Variants in EQTN observed in about 807,000 individuals in gnomAD.
EQTN encodes equatorin, also known as Acrosome formation associated factor.
EQTN carries 29 observed loss-of-function variants against 26.9 expected under a neutral mutation model. The observed-to-expected ratio is 1.08, with a 90% CI of 0.80 to 1.47. The LOEUF (loss-of-function observed/expected upper bound fraction) is 1.47, where lower values mean the gene tolerates loss of function less well. Among genes scored for constraint, EQTN ranks in the 40% most tolerant of loss-of-function variants. The pLI is 0.00. For synonymous variants in EQTN, 129 were observed against 120.0 expected (o/e 1.07, Z -0.49); for missense variants, 391 against 346.1 (o/e 1.13, Z -1.03).
rs762361938 is a variant in EQTN at position 27,286,284 on chromosome 9, G to A, written c.560C>T (p.Ser187Leu). The A allele has an allele frequency of 9.9e-6, 16 of 1,612,566 alleles. No homozygotes were observed. The highest frequency in any genetic ancestry group is 6.8e-6 in the Non-Finnish European group (8 of 1,179,424). ...CACAAAGAGGAGGAGGGTCATCAAC[G>A]AGATTCCCAGCATTATTTTGATCTT... Reference protein sequence around the residue: ...DLKIKIMLGISLMTLLLFVVL... With the variant: ...DLKIKIMLGILLMTLLLFVVL... Residue 187 changes from serine to leucine, a missense_variant, in exon 7 of 8, where the codon TCG (serine) becomes TTG (leucine). Ser to Leu is a moderately radical substitution (Grantham distance 145). Transcript: ENST00000380032.
Position 27,284,822 on chromosome 9 carries a change from T to C in EQTN, c.786A>G (p.Arg262=). ...FLGTTSSDMR[R]SGTRTSESKI... is the part of the protein sequence containing the mutation. ...TAGATTCTGATGTTCTTGTGCCTGATCTTCTCATATCTGAAGAAGTGGTAC... is the reference window on the plus strand; with the variant it reads ...TAGATTCTGATGTTCTTGTGCCTGACCTTCTCATATCTGAAGAAGTGGTAC... The change falls in exon 8 of 8, where the codon AGA becomes AGG. Residue 262 remains arginine, a synonymous_variant. Transcript: ENST00000380032. The C allele has an allele frequency of 6.2e-7, 1 of 1,614,180 alleles. No homozygotes were observed. The highest frequency in any genetic ancestry group is 1.3e-5 in the African/African-American group (1 of 75,052).
chr9:27,293,529 A>G (rs1425794559), intron 3 of EQTN, among the ~76,000 whole-genome samples: 1 of 152,166 alleles, frequency 6.6e-6, no homozygotes, highest in East Asian at 1.9e-4. Context: ...TCTTATTCCA[A>G]TCCCACTTTC....
chr9:27,296,887 C>T (rs2131311712), intron 1 of EQTN, 93 bp downstream of exon 1: 1 of 1,562,850 alleles, frequency 6.4e-7, no homozygotes, highest in South Asian at 1.2e-5. Context: ...AGTTTATATC[C>T]TCCTGTAGAA....
At chr9:27,290,996 G>A (rs1396375650) in intron 5 of EQTN, 23 bp downstream of exon 5, 4 of 1,604,110 alleles carry the variant, frequency 2.5e-6, no homozygotes, top group Non-Finnish European at 3.4e-6. Context: ...TGTTTCCCAA[G>A]CTACCTAGCT....
chr9:27,296,018 T>C (rs1028576536), intron 2 of EQTN, among the ~76,000 whole-genome samples: 4 of 151,922 alleles, frequency 2.6e-5, no homozygotes, highest in African/African-American at 9.7e-5. Context: ...TAAACAGGCT[T>C]GGCCAGGTGT....
rs1440687823 is a variant in EQTN, at chr9:27,284,937, G to T, written c.671C>A (p.Pro224Gln). Residue 224 changes from proline (P) to glutamine (Q), a missense_variant, in exon 8 of 8, where the codon CCA (proline) becomes CAA (glutamine). By Grantham distance (76) the Pro-to-Gln change is moderately conservative. Transcript: ENST00000380032. ...KSCESQYSVNPELATMSYFHP... is the reference protein window; with the variant it reads ...KSCESQYSVNQELATMSYFHP... ...AAAGTAAGACATCGTGGCCAGCTCT[G>T]GGTTGACAGAGTACTGACTCTCACA... The T allele has an allele frequency of 6.2e-7, 1 of 1,613,936 alleles. No homozygotes were observed.
chr9:27,284,905 A>T lies in EQTN; in HGVS notation c.703T>A (p.Ser235Thr), dbSNP rs577303351. The T allele has an allele frequency of 6.2e-7, 1 of 1,614,146 alleles. No individual in the cohort carries two copies. Among genetic ancestry groups the T allele is most frequent in the Non-Finnish European group, 8.5e-7 (1 of 1,179,996 alleles). ...ELATMSYFHP[S>T]EGVSDTSFSK... ...AAGGATGTATCTGAAACACCTTCTG[A>T]TGGATGAAAGTAAGACATCGTGGCC... The change falls in exon 8 of 8, where the codon TCA (serine) becomes ACA (threonine). Residue 235 changes from serine (S) to threonine (T), a missense_variant. Physicochemically the swap from Ser to Thr is moderately conservative, Grantham distance 58. Coordinates refer to ENST00000380032, the MANE Select transcript of EQTN (RefSeq NM_020641.3).
At chr9:27,296,784 C>A in intron 1 of EQTN, 46 bp from the exon 2 acceptor site, 2 of 1,581,864 alleles carry the variant, frequency 1.3e-6, no homozygotes, top group Non-Finnish European at 1.7e-6. Context: ...ATGTTGATTT[C>A]TTTTACTGCT....
chr9:27,287,014 GTC>G (rs1820138043), intron 6 of EQTN, among the ~76,000 whole-genome samples: 2 of 152,208 alleles, frequency 1.3e-5, no homozygotes, highest in African/African-American at 4.8e-5. Flanking sequence ...GATATCAAGA[GTC>G]TTTTTTTAAC....
intron 2 of EQTN, among the ~76,000 whole-genome samples, chr9:27,295,832 A>C (rs1259449653): frequency 6.1e-3 from 41 of 6,718 alleles, no homozygotes; most frequent in Admixed American, 0.022. Flanking sequence ...ACTCCGTCTC[A>C]AAAAAAAAAA....
rs907527371 is a variant in EQTN, at chr9:27,289,796, T to C, written c.422-65A>G. 7 of 1,264,714 alleles carry C rather than the reference T, an allele frequency of 5.5e-6. No individual in the cohort carries two copies. The South Asian group carries it at 6.8e-5, about 12-fold the overall frequency. 78.3% of individuals were successfully genotyped at this position (1,264,714 alleles called of 1,614,324 possible). A position where few individuals can be genotyped will look rare whatever the true frequency, so the allele number is the denominator to read the frequency against. Reference sequence around the variant, plus strand: ...TTACTAAAATTATTGCCTGTGTATGTATGTGTATGTATAATTATAGTACCC... The same window carrying C: ...TTACTAAAATTATTGCCTGTGTATGCATGTGTATGTATAATTATAGTACCC... On this transcript the variant is annotated intron_variant, in intron 5 of 7. Coordinates refer to ENST00000380032, the MANE Select transcript of EQTN (RefSeq NM_020641.3).
chr9:27,289,857 G>T, intron 5 of EQTN, 126 bp from the exon 6 acceptor site: 1 of 603,412 alleles, frequency 1.7e-6, no homozygotes. Flanking sequence ...ATTCGTGGCA[G>T]TTATATTCTA....
At chr9:27,289,901 G>C (rs1010945674) in intron 5 of EQTN, among the ~76,000 whole-genome samples, 170 bp from the exon 6 acceptor site, 3 of 152,130 alleles carry the variant, frequency 2.0e-5, no homozygotes, top group South Asian at 2.1e-4. Context: ...AACGAATACT[G>C]AACTGTTGCT....
chr9:27,290,216 A>C (rs538317702), intron 5 of EQTN, among the ~76,000 whole-genome samples: 34 of 152,316 alleles, frequency 2.2e-4, no homozygotes, highest in African/African-American at 8.2e-4. Context: ...ACAAAAAAGC[A>C]CAAAAAATGC....
chr9:27,289,540 G>T, intron 6 of EQTN, 132 bp downstream of exon 6: 1 of 581,726 alleles, frequency 1.7e-6, no homozygotes. Context: ...GTAGAGAAAA[G>T]GTTTTTGTCA....
intron 2 of EQTN, 73 bp from the exon 3 acceptor site, chr9:27,294,475 G>T: frequency 2.3e-6 from 2 of 857,118 alleles, no homozygotes; most frequent in Non-Finnish European, 3.5e-6. Context: ...CTTCCTCTGA[G>T]TTTTTTTCTT....
chr9:27,291,529 G>A (rs1820234732), intron 4 of EQTN, among the ~76,000 whole-genome samples: 1 of 152,184 alleles, frequency 6.6e-6, no homozygotes, highest in Admixed American at 6.5e-5. Flanking sequence ...AGTCTTGAGT[G>A]AAGGGTGTGG....
chr9:27,290,065 A>G (rs983188568), intron 5 of EQTN, among the ~76,000 whole-genome samples: 13 of 152,238 alleles, frequency 8.5e-5, no homozygotes, highest in African/African-American at 3.1e-4. Flanking sequence ...CATAGAAAAC[A>G]GCACTATAAC....
chr9:27,294,465 C>T (rs1279432825), intron 2 of EQTN, 63 bp from the exon 3 acceptor site: 2 of 972,540 alleles, frequency 2.1e-6, no homozygotes, highest in Admixed American at 2.5e-5. Context: ...TTACCTTTTT[C>T]TTCCTCTGAG....
Sources: gnomAD v4.1 joint callset for allele counts (sites outside exome capture counted in the v4.1 genomes callset) on GRCh38, gnomAD v4.1.1 for gene constraint, MANE v1.5 for transcripts, NCBI Gene and HGNC (gene_info 2026-07-23, HGNC 2026-07-21) for gene names.